SSBP2: variants seen among roughly 807,000 people sequenced by gnomAD.
SSBP2 encodes the protein single stranded DNA binding protein 2.
Under a neutral mutation model 61.8 loss-of-function variants are expected in SSBP2, and 17 were observed. The observed-to-expected ratio is 0.28, with a 90% CI of 0.19 to 0.41. The LOEUF is 0.41. SSBP2 is among the 10% of genes least tolerant of loss of function. The probability of loss-of-function intolerance (pLI) is 1.00; values close to 1 mark genes in which losing one functional copy is unlikely to be tolerated. For synonymous variants in SSBP2, 139 were observed against 141.3 expected, an observed-to-expected ratio of 0.98 and a Z score of 0.12; for missense variants, 310 against 458.7, an observed-to-expected ratio of 0.68 and a Z score of 2.96.
intron 1 of SSBP2, among the ~76,000 whole-genome samples, chr5:81,740,979 C>T (rs1447361013): frequency 6.6e-6 from 1 of 152,198 alleles, no homozygotes; most frequent in Non-Finnish European, 1.5e-5. Flanking sequence ...CCCTCCCATC[C>T]TCATGCCACC....
intron 6 of SSBP2, among the ~76,000 whole-genome samples, chr5:81,475,017 T>C (rs1287771799): frequency 2.6e-5 from 4 of 152,160 alleles, no homozygotes; most frequent in Non-Finnish European, 5.9e-5. Flanking sequence ...AGTCACAGTT[T>C]CCCTAAGAAA....
At chr5:81,705,648 G>C (rs773356450) in intron 1 of SSBP2, among the ~76,000 whole-genome samples, 1 of 152,106 alleles carries the variant, frequency 6.6e-6, no homozygotes, top group Non-Finnish European at 1.5e-5. Context: ...AGAATCTTTG[G>C]AAGTCAAGTC....
chr5:81,445,031 G>A (rs1763282749), intron 12 of SSBP2, among the ~76,000 whole-genome samples: 1 of 150,042 alleles, frequency 6.7e-6, no homozygotes, highest in African/African-American at 2.5e-5. Flanking sequence ...GCTGCAGCAG[G>A]AGAATTGCTT....
At chr5:81,601,743 A>G (rs1744385444) in intron 4 of SSBP2, among the ~76,000 whole-genome samples, 1 of 152,138 alleles carries the variant, frequency 6.6e-6, no homozygotes, top group Admixed American at 6.5e-5. Context: ...GCATCTTCCT[A>G]ATTACAGCAT....
chr5:81,429,869 C>A lies in SSBP2; in HGVS notation c.958-1186G>T, dbSNP rs544522549. 2.9e-3 allele frequency among the ~76,000 whole-genome samples: 448 copies of A among 152,224 alleles called. 4 individuals carry two copies. Among genetic ancestry groups the A allele is most frequent in the African/African-American group, 0.01 (429 of 41,520 alleles). On this transcript the variant is annotated intron_variant, in intron 15 of 16. Transcript: ENST00000320672. ...ACACTGTGTCTTGTCTTGCTGTGCA[C>A]CCCGCAGGGAGGATCTGAGAACAAG...
chr5:81,605,600 A>G (rs1744807682), intron 4 of SSBP2, among the ~76,000 whole-genome samples: 1 of 152,126 alleles, frequency 6.6e-6, no homozygotes, highest in Non-Finnish European at 1.5e-5. Flanking sequence ...AACTTCCTAA[A>G]ATAAGGGGAA....
Position 81,715,499 on chromosome 5 carries a change from G to T in SSBP2, c.62+35482C>A, listed in dbSNP as rs546458715. Among the ~76,000 whole-genome samples, 3 of 152,180 alleles carry T rather than the reference G, an allele frequency of 2.0e-5. No individual in the cohort carries two copies. The East Asian group carries it at 5.8e-4, about 29-fold the overall frequency. On this transcript the variant is annotated intron_variant, in intron 1 of 16. Coordinates refer to ENST00000320672, the MANE Select transcript of SSBP2 (RefSeq NM_012446.5). ...TGAAATTAATAGAATAGTTAAGAAG[G>T]TATTTACAAACAGAATAGAGTTTGG...
chr5:81,616,207 G>C (rs1746003717), intron 3 of SSBP2: 1 of 150,658 alleles, frequency 6.6e-6, no homozygotes, highest in Admixed American at 6.6e-5. Context: ...CATCTCACTA[G>C]GGAGTGCCAG....
At chr5:81,709,656 G>GA (rs1183256560) in intron 1 of SSBP2, among the ~76,000 whole-genome samples, 2 of 151,476 alleles carry the variant, frequency 1.3e-5, no homozygotes, top group Non-Finnish European at 3.0e-5. Flanking sequence ...ATATAGAAAG[G>GA]AAAAAACAGT....
At chr5:81,431,344 A>C (rs1036721108) in intron 15 of SSBP2, among the ~76,000 whole-genome samples, 2 of 152,206 alleles carry the variant, frequency 1.3e-5, no homozygotes, top group African/African-American at 4.8e-5. Context: ...TTGAAAAAAT[A>C]TGGTTAGGAT....
intron 15 of SSBP2, among the ~76,000 whole-genome samples, chr5:81,437,176 G>T (rs986640771): frequency 2.0e-5 from 3 of 151,628 alleles, no homozygotes; most frequent in African/African-American, 7.3e-5. Context: ...TATTACTTGG[G>T]TGTCAACTAA....
chr5:81,519,409 A>G (rs1464179531), intron 4 of SSBP2, among the ~76,000 whole-genome samples: 1 of 152,164 alleles, frequency 6.6e-6, no homozygotes, highest in African/African-American at 2.4e-5. Context: ...TGTGAGAGAC[A>G]CTGCTAAGTA....
At chr5:81,474,930 C>T (rs555567464) in intron 6 of SSBP2, among the ~76,000 whole-genome samples, 11 of 152,176 alleles carry the variant, frequency 7.2e-5, no homozygotes, top group Admixed American at 2.0e-4. Context: ...TTCCCTATTT[C>T]TACAGAATAT....
rs996776749 is a variant in SSBP2 at position 81,414,953 on chromosome 5, A to G, written c.*5551T>C. On this transcript the variant is annotated 3_prime_UTR_variant, in exon 17 of 17. Transcript: ENST00000320672. The stretch of plus-strand genomic sequence containing the variant: ...ACACACACACACAGGTACACGCAAC[A>G]TATTTAGTATGCAAAATGGAAGTAT... 1.3e-5 allele frequency: 2 copies of G among 152,204 alleles called. No homozygotes were observed. The highest frequency in any genetic ancestry group is 1.9e-4 in the East Asian group (1 of 5,202). The allele number at this position is 152,204 out of a possible 1,614,324, so 9.4% of individuals were successfully genotyped here.
chr5:81,495,108 A>G (rs140911484), intron 5 of SSBP2, among the ~76,000 whole-genome samples: 1,708 of 152,208 alleles, frequency 0.011, 15 homozygotes, highest in Middle Eastern at 0.027. Flanking sequence ...TTAGCTTTTT[A>G]TCTCAATTCC....
intron 4 of SSBP2, among the ~76,000 whole-genome samples, chr5:81,543,134 C>A (rs1438151911): frequency 6.6e-6 from 1 of 152,108 alleles, no homozygotes; most frequent in Admixed American, 6.5e-5. Flanking sequence ...GGATTACAGG[C>A]GTGAGCCACC....
chr5:81,475,195 G>C (rs758543661), intron 6 of SSBP2, among the ~76,000 whole-genome samples: 9 of 151,958 alleles, frequency 5.9e-5, no homozygotes, highest in Non-Finnish European at 1.0e-4. Context: ...ACTTAAAGCT[G>C]GATTAAGGTA....
intron 2 of SSBP2, among the ~76,000 whole-genome samples, chr5:81,644,585 A>G (rs998012048): frequency 2.6e-5 from 4 of 152,226 alleles, no homozygotes; most frequent in Admixed American, 6.5e-5. Flanking sequence ...GTTGGTGCCT[A>G]TACTGTACAA....
At chr5:81,478,631 C>G (rs1012019534) in intron 6 of SSBP2, among the ~76,000 whole-genome samples, 7 of 152,150 alleles carry the variant, frequency 4.6e-5, no homozygotes, top group Non-Finnish European at 8.8e-5. Flanking sequence ...GCCACCACAC[C>G]CGGCCTATTT....
Sources: gnomAD v4.1 joint callset for allele counts (sites outside exome capture counted in the v4.1 genomes callset) on GRCh38, gnomAD v4.1.1 for gene constraint, MANE v1.5 for transcripts, NCBI Gene and HGNC (gene_info 2026-07-23, HGNC 2026-07-21) for gene names.